KLRG2: variants seen among roughly 807,000 people sequenced by gnomAD.
KLRG2 encodes killer cell lectin like receptor G2.
Under a neutral mutation model 35.4 loss-of-function variants are expected in KLRG2, and 39 were observed. The ratio of observed to expected loss-of-function variants is 1.10; its 90% CI spans 0.85 to 1.44. The LOEUF is 1.44. KLRG2 is among the 40% of genes most tolerant of loss of function. The probability of loss-of-function intolerance (pLI) is 0.00; values close to 1 mark genes in which losing one functional copy is unlikely to be tolerated. For missense variants in KLRG2, 632 were observed against 570.9 expected (o/e 1.11, Z -1.09); for synonymous variants, 283 against 265.8 (o/e 1.06, Z -0.63).
intron 3 of KLRG2, among the ~76,000 whole-genome samples, chr7:139,459,756 AT>A (rs879553190): frequency 8.1e-4 from 119 of 146,462 alleles, no homozygotes; most frequent in Admixed American, 9.6e-4. Flanking sequence ...TCACCTCCAG[AT>A]TTTTTTTTTT....
At chr7:139,429,822 C>T in the KLRG2 span, among the ~76,000 whole-genome samples, 2 of 151,202 alleles carry the variant, frequency 1.3e-5, no homozygotes, top group South Asian at 2.1e-4. Flanking sequence ...TCCCCACCTT[C>T]CCCCCCCTTT....
chr7:139,451,238 G>A (rs368233911), downstream of KLRG2, among the ~76,000 whole-genome samples: 27 of 152,318 alleles, frequency 1.8e-4, no homozygotes, highest in South Asian at 4.4e-3. Context: ...CGTGGCTCAC[G>A]CCTGTAACCC....
the KLRG2 span, among the ~76,000 whole-genome samples, chr7:139,433,621 C>T: frequency 4.9e-5 from 7 of 142,580 alleles, no homozygotes; most frequent in African/African-American, 1.1e-4. Flanking sequence ...CCACTGCGCC[C>T]GGCCTTTTTT....
intron 2 of KLRG2, 27 bp from the exon 3 acceptor site, chr7:139,479,799 C>T (rs1031007190): frequency 6.2e-6 from 10 of 1,607,932 alleles, no homozygotes; most frequent in Non-Finnish European, 8.5e-6. Flanking sequence ...TGCTGGTGAG[C>T]TGCAGGGTAA....
chr7:139,433,878 C>G, the KLRG2 span, among the ~76,000 whole-genome samples: 218 of 151,692 alleles, frequency 1.4e-3, 1 homozygote, highest in African/African-American at 5.0e-3. Flanking sequence ...CTCAAGTGAT[C>G]CCCCGCCTCG....
At chr7:139,445,798 T>TATATAC in the KLRG2 span, among the ~76,000 whole-genome samples, 1 of 126,072 alleles carries the variant, frequency 7.9e-6, no homozygotes, top group African/African-American at 4.8e-5. Flanking sequence ...TATATGTGTG[T>TATATAC]ATATATATAT....
In KLRG2 at chr7:139,483,415, C is replaced by G. The variant is rs746072368; in HGVS notation, c.228G>C (p.Gly76=). The G allele has an allele frequency of 6.4e-7, 1 of 1,551,616 alleles. No homozygotes were observed. Among genetic ancestry groups the G allele is most frequent in the Non-Finnish European group, 8.6e-7 (1 of 1,160,962 alleles). The stretch of plus-strand genomic sequence containing the variant: ...GGCTGAGCGGCGGCACGCGCGGGGA[C>G]CCGGGGCGAGGCGAAGGCGGCTTTT... ...SKKKPPSPRP[G]SPRVPPLSLG... Residue 76 remains glycine, a synonymous_variant, in exon 1 of 5, where the codon GGG becomes GGC. Coordinates refer to ENST00000340940, the MANE Select transcript of KLRG2 (RefSeq NM_198508.4).
chr7:139,461,678 G>A (rs75119408), intron 3 of KLRG2, among the ~76,000 whole-genome samples: 1 of 151,512 alleles, frequency 6.6e-6, no homozygotes, highest in Admixed American at 6.6e-5. Flanking sequence ...GCCCCTGCCC[G>A]CCAGCGAACA....
At position 139,473,443 on chromosome 7, in the gene KLRG2, C is replaced by T. The variant is rs187179395; in HGVS notation, c.1005+6184G>A. Among the ~76,000 whole-genome samples, 408 of 152,172 alleles carry T rather than the reference C, an allele frequency of 2.7e-3. 3 individuals are homozygous for T. The highest frequency in any genetic ancestry group is 9.1e-3 in the African/African-American group (376 of 41,516). Reference sequence around the variant, plus strand: ...CCTGCCTGATTCCCATATGGTAAAGCCTGCCTCTAAAAAAGCTCAGCCTCA... The same window carrying T: ...CCTGCCTGATTCCCATATGGTAAAGTCTGCCTCTAAAAAAGCTCAGCCTCA... On this transcript the variant is annotated intron_variant, in intron 3 of 4. Coordinates refer to ENST00000340940, the MANE Select transcript of KLRG2 (RefSeq NM_198508.4).
At chr7:139,451,673 C>T (rs777821906), downstream of KLRG2, among the ~76,000 whole-genome samples, 38 of 152,046 alleles carry the variant, frequency 2.5e-4, no homozygotes, top group African/African-American at 1.4e-4. Context: ...GGAAAGAATG[C>T]GGCCTTTGGA....
chr7:139,464,835 ACT>A (rs778103141), intron 3 of KLRG2, among the ~76,000 whole-genome samples: 22 of 151,792 alleles, frequency 1.4e-4, no homozygotes, highest in Non-Finnish European at 1.2e-4. Context: ...TGCTCAACTC[ACT>A]CTCTACAGTT....
chr7:139,482,429 G>T (rs1443925892), intron 1 of KLRG2, among the ~76,000 whole-genome samples: 1 of 151,864 alleles, frequency 6.6e-6, no homozygotes, highest in Non-Finnish European at 1.5e-5. Flanking sequence ...TTTCTCTCTT[G>T]TTGCCCAGGC....
At chr7:139,436,576 C>T in the KLRG2 span, among the ~76,000 whole-genome samples, 1 of 115,004 alleles carries the variant, frequency 8.7e-6, no homozygotes, top group Non-Finnish European at 1.7e-5. Context: ...CTGGCCACCG[C>T]AGAAGCAAGT....
intron 3 of KLRG2, among the ~76,000 whole-genome samples, chr7:139,478,922 C>T (rs1247956056): frequency 6.6e-6 from 1 of 151,674 alleles, no homozygotes; most frequent in Non-Finnish European, 1.5e-5. Context: ...CAGAGACCAA[C>T]GATTAAAAAC....
chr7:139,444,057 A>G, the KLRG2 span, among the ~76,000 whole-genome samples: 2 of 152,236 alleles, frequency 1.3e-5, no homozygotes, highest in African/African-American at 4.8e-5. Context: ...GTTCAAGTGC[A>G]GGAAGCATCC....
chr7:139,447,591 G>A, the KLRG2 span, among the ~76,000 whole-genome samples: 3 of 151,666 alleles, frequency 2.0e-5, no homozygotes, highest in South Asian at 2.1e-4. Flanking sequence ...AGTAGAGACC[G>A]GGGGTTTCAC....
At chr7:139,451,085 T>C (rs1796369875), downstream of KLRG2, among the ~76,000 whole-genome samples, 1 of 152,230 alleles carries the variant, frequency 6.6e-6, no homozygotes, top group Non-Finnish European at 1.5e-5. Context: ...TTTGGACTTT[T>C]CAGCCATTCC....
chr7:139,436,570 C>T, the KLRG2 span, among the ~76,000 whole-genome samples: 1 of 100,952 alleles, frequency 9.9e-6, no homozygotes. Context: ...ATAAAGCTGG[C>T]CACCGCAGAA....
intron 3 of KLRG2, among the ~76,000 whole-genome samples, chr7:139,466,755 A>AAAAAAAATT (rs56926264): frequency 6.7e-6 from 1 of 150,208 alleles, no homozygotes; most frequent in African/African-American, 2.5e-5. Context: ...TAAAAAAAAT[A>AAAAAAAATT]AAAAAAGGGG....
Sources: gnomAD v4.1 joint callset for allele counts (sites outside exome capture counted in the v4.1 genomes callset) on GRCh38, gnomAD v4.1.1 for gene constraint, MANE v1.5 for transcripts, NCBI Gene and HGNC (gene_info 2026-07-23, HGNC 2026-07-21) for gene names.